Variants in CHSY1 observed in about 807,000 individuals in gnomAD.
CHSY1 encodes N-acetylgalactosaminyl-proteoglycan 3-beta-glucuronosyltransferase 1.
CHSY1 carries 13 observed loss-of-function variants against 59.8 expected under a neutral mutation model. The observed-to-expected ratio is 0.22, with a 90% CI of 0.14 to 0.35. The LOEUF is 0.35. Ranked by LOEUF, CHSY1 falls within the 10% of genes least tolerant of loss-of-function variation. CHSY1 has a pLI of 1.00. For missense variants in CHSY1, 947 were observed against 1,030.6 expected (o/e 0.92, Z 1.11); for synonymous variants, 459 against 401.2 (o/e 1.14, Z -1.72).
At chr15:101,197,956 G>A (rs968311176) in intron 2 of CHSY1, among the ~76,000 whole-genome samples, 2 of 152,162 alleles carry the variant, frequency 1.3e-5, no homozygotes, top group Admixed American at 1.3e-4. Context: ...AAAGCCTGCT[G>A]GGGACTCACT....
At chr15:101,181,511 C>T (rs1456344050) in intron 2 of CHSY1, among the ~76,000 whole-genome samples, 2 of 152,238 alleles carry the variant, frequency 1.3e-5, no homozygotes, top group East Asian at 3.8e-4. Context: ...CAGTCTGAAG[C>T]ATGTGCTGTT....
rs1180908581 is a variant in CHSY1, at chr15:101,251,368, C to T, written c.89G>A (p.Arg30Gln). 1.2e-5 allele frequency: 14 copies of T among 1,157,964 alleles called. No individual in the cohort carries two copies. Among genetic ancestry groups the T allele is most frequent in the East Asian group, 9.3e-5 (1 of 10,722 alleles). 71.7% of individuals were successfully genotyped at this position (1,157,964 alleles called of 1,614,324 possible). Reference sequence around the variant, plus strand: ...GCCCGCTCGCTTCAGCTCGGAAGCCCGGGGCAGGACGAGCCGCGAGGCCAG... The same window carrying T: ...GCCCGCTCGCTTCAGCTCGGAAGCCTGGGGCAGGACGAGCCGCGAGGCCAG... ...FVLASRLVLP[R>Q]ASELKRAGPR... Residue 30 changes from arginine to glutamine, a missense_variant, in exon 1 of 3, where the codon CGG becomes CAG. By Grantham distance (43) the Arg-to-Gln change is conservative. Coordinates refer to ENST00000254190, the MANE Select transcript of CHSY1 (RefSeq NM_014918.5).
At chr15:101,182,512 AAAT>A (rs1487545604) in intron 2 of CHSY1, among the ~76,000 whole-genome samples, 1 of 152,240 alleles carries the variant, frequency 6.6e-6, no homozygotes, top group Non-Finnish European at 1.5e-5. Flanking sequence ...CTTCCTTGAT[AAAT>A]ACATAACTCT....
At chr15:101,210,746 G>C (rs376122387) in intron 2 of CHSY1, among the ~76,000 whole-genome samples, 1 of 152,126 alleles carries the variant, frequency 6.6e-6, no homozygotes, top group African/African-American at 2.4e-5. Context: ...ATCCTCACTG[G>C]AGGACAGTAA....
Position 101,236,302 on chromosome 15 carries a change from G to A in CHSY1, c.321-725C>T, listed in dbSNP as rs375084355. On this transcript the variant is annotated intron_variant, in intron 1 of 2. Coordinates refer to ENST00000254190, the MANE Select transcript of CHSY1 (RefSeq NM_014918.5). ...ATGATAGCTCCCACAGTTCCCACAT[G>A]TTGCGGGAGGGACCCAGGGGAAGGT... is the stretch of plus-strand genomic sequence containing the variant. Among the ~76,000 whole-genome samples the A allele has an allele frequency of 2.1e-4, 32 of 152,304 alleles. 1 individual carries two copies. The East Asian group carries it at 4.2e-3, about 20-fold the overall frequency.
At position 101,177,399 on chromosome 15, in the gene CHSY1, T is replaced by C; in HGVS notation, c.2398A>G (p.Arg800Gly). Reference sequence around the variant, plus strand: ...AGCAAAGCTGGACATTAGGCTGTCCTCACTGAGCCATTATTATTGCTGCTT... The same window carrying C: ...AGCAAAGCTGGACATTAGGCTGTCCCCACTGAGCCATTATTATTGCTGCTT... ...SKSSNNNGSV[R>G]TA The change falls in exon 3 of 3, where the codon AGG becomes GGG. Residue 800 changes from arginine (R) to glycine (G), a missense_variant. Around this residue, in one of 4 missense-constraint regions of CHSY1, gnomAD observed 602 missense variants for 676.9 expected, o/e 0.89. Coordinates refer to ENST00000254190, the MANE Select transcript of CHSY1 (RefSeq NM_014918.5). 1 of 1,612,350 alleles carries C rather than the reference T, an allele frequency of 6.2e-7. No homozygotes were observed. Among genetic ancestry groups the C allele is most frequent in the Non-Finnish European group, 8.5e-7 (1 of 1,179,544 alleles).
chr15:101,193,854 C>G (rs1311809723), intron 2 of CHSY1, among the ~76,000 whole-genome samples: 1 of 152,240 alleles, frequency 6.6e-6, no homozygotes, highest in Non-Finnish European at 1.5e-5. Context: ...ACAAAACCTG[C>G]TCTCTTGGCC....
At chr15:101,231,232 C>T (rs1332059837) in intron 2 of CHSY1, among the ~76,000 whole-genome samples, 2 of 152,176 alleles carry the variant, frequency 1.3e-5, no homozygotes, top group African/African-American at 4.8e-5. Context: ...GCCGAAAGAA[C>T]TGGAAATAGC....
At chr15:101,219,722 A>G (rs186115082) in intron 2 of CHSY1, among the ~76,000 whole-genome samples, 15 of 152,172 alleles carry the variant, frequency 9.9e-5, no homozygotes, top group South Asian at 2.1e-4. Context: ...AAAGTTTCCC[A>G]TTGTTATACC....
At chr15:101,206,207 G>A (rs28547403) in intron 2 of CHSY1, among the ~76,000 whole-genome samples, 38,960 of 151,694 alleles carry the variant, frequency 0.26, 5,431 homozygotes, top group African/African-American at 0.36. Context: ...TTTGATTCAG[G>A]AGATAAGACT....
chr15:101,238,576 T>C lies in CHSY1; in HGVS notation c.321-2999A>G, dbSNP rs746915138. 6.6e-5 allele frequency among the ~76,000 whole-genome samples: 10 copies of C among 152,242 alleles called. No individual in the cohort carries two copies. In the East Asian group the frequency reaches 7.7e-4, roughly 12 times the overall value. Reference sequence around the variant, plus strand: ...CAAATTTAAAAAATACTGCCAATCATAATCCCATGACGCCGGTAACTATAA... The same window carrying C: ...CAAATTTAAAAAATACTGCCAATCACAATCCCATGACGCCGGTAACTATAA... On this transcript the variant is annotated intron_variant, in intron 1 of 2. Coordinates refer to ENST00000254190, the MANE Select transcript of CHSY1 (RefSeq NM_014918.5).
At chr15:101,193,210 C>A (rs1213573733) in intron 2 of CHSY1, among the ~76,000 whole-genome samples, 3 of 152,202 alleles carry the variant, frequency 2.0e-5, no homozygotes, top group African/African-American at 7.2e-5. Context: ...GCCTGTCCGG[C>A]AAGCAGGCAA....
At chr15:101,229,181 A>C (rs1329662993) in intron 2 of CHSY1, among the ~76,000 whole-genome samples, 2 of 152,250 alleles carry the variant, frequency 1.3e-5, no homozygotes. Context: ...GACATACAGA[A>C]AACAGCAAAA....
chr15:101,197,238 A>G (rs139282350), intron 2 of CHSY1, among the ~76,000 whole-genome samples: 30 of 152,342 alleles, frequency 2.0e-4, no homozygotes, highest in African/African-American at 6.3e-4. Context: ...CTGGCAATTT[A>G]AGATTCTTCC....
At chr15:101,237,656 G>A (rs1472440372) in intron 1 of CHSY1, among the ~76,000 whole-genome samples, 1 of 152,302 alleles carries the variant, frequency 6.6e-6, no homozygotes, top group South Asian at 2.1e-4. Context: ...GGTCAACTGC[G>A]AGGAAACCAC....
intron 1 of CHSY1, among the ~76,000 whole-genome samples, chr15:101,250,807 A>G (rs1313783271): frequency 6.6e-6 from 1 of 152,224 alleles, no homozygotes; most frequent in Non-Finnish European, 1.5e-5. Flanking sequence ...GTTTTCCAAC[A>G]TTATGAGGGA....
intron 2 of CHSY1, among the ~76,000 whole-genome samples, chr15:101,193,957 C>T (rs56132489): frequency 0.11 from 16,468 of 152,254 alleles, 957 homozygotes; most frequent in East Asian, 0.21. Flanking sequence ...GGGCCATCAG[C>T]GTGGATTTCC....
chr15:101,248,872 T>C lies in CHSY1; in HGVS notation c.320+2265A>G, dbSNP rs117683029. ...CGCAATCTCGGGTCACAGCAACCTC[T>C]GCCTCCTGGGTTTACGCCATTCTCC... On this transcript the variant is annotated intron_variant, in intron 1 of 2. Transcript: ENST00000254190. Among the ~76,000 whole-genome samples, 343 of 151,978 alleles carry C rather than the reference T, an allele frequency of 2.3e-3. 1 individual carries two copies. Among genetic ancestry groups the C allele is most frequent in the Non-Finnish European group, 3.4e-3 (234 of 67,970 alleles).
intron 1 of CHSY1, among the ~76,000 whole-genome samples, chr15:101,246,135 A>ACAGT (rs1182571123): frequency 1.3e-5 from 2 of 152,278 alleles, no homozygotes; most frequent in African/African-American, 4.8e-5. Flanking sequence ...CTTTCTTCCC[A>ACAGT]CAGTCCCCTA....
Sources: allele counts gnomAD v4.1 joint callset (sites outside exome capture counted in the v4.1 genomes callset), GRCh38; gene constraint gnomAD v4.1.1; regional missense constraint gnomAD v4.1.1; transcripts MANE v1.5; gene names NCBI Gene and HGNC (gene_info 2026-07-23, HGNC 2026-07-21).